The following ANXA3 variants were observed in gnomAD, a reference collection of about 807,000 sequenced individuals.
ANXA3 encodes the protein annexin A3.
In ANXA3, 46 loss-of-function variants were observed where a neutral mutation model predicts 48.8. The ratio of observed to expected loss-of-function variants is 0.94; its 90% confidence interval spans 0.74 to 1.21. The LOEUF is 1.21. Among genes scored for constraint, ANXA3 ranks in the 50% most tolerant of loss-of-function variants. ANXA3 has a pLI of 0.00. For synonymous variants in ANXA3, 128 were observed against 134.7 expected (o/e 0.95, Z 0.35); for missense variants, 383 against 378.6 (o/e 1.01, Z -0.10).
intron 2 of ANXA3, among the ~76,000 whole-genome samples, chr4:78,556,424 C>T (rs779543441): frequency 6.6e-6 from 1 of 151,138 alleles, no homozygotes. Flanking sequence ...AAGACTATTA[C>T]ATCAAAACTT....
At chr4:78,589,417 A>G (rs28404993) in intron 6 of ANXA3, among the ~76,000 whole-genome samples, 6,681 of 152,216 alleles carry the variant, frequency 0.044, 511 homozygotes, top group African/African-American at 0.15. Flanking sequence ...GCATAGCCAA[A>G]CTTTACAGAG....
chr4:78,594,869 C>T (rs1354614921), intron 7 of ANXA3, among the ~76,000 whole-genome samples: 2 of 152,122 alleles, frequency 1.3e-5, no homozygotes, highest in Non-Finnish European at 2.9e-5. Flanking sequence ...CACAGTGGCC[C>T]ACACTTGTAT....
chr4:78,601,729 C>CTTT, intron 11 of ANXA3, 161 bp downstream of exon 11: 2 of 542,690 alleles, frequency 3.7e-6, no homozygotes, highest in Non-Finnish European at 6.4e-6. Flanking sequence ...ACAATACACT[C>CTTT]TTTACACAGA....
chr4:78,558,204 A>G (rs1388434122), intron 2 of ANXA3, among the ~76,000 whole-genome samples: 3 of 152,258 alleles, frequency 2.0e-5, no homozygotes, highest in Admixed American at 2.0e-4. Flanking sequence ...TCATAGGAAC[A>G]GAAGGAGACT....
intron 4 of ANXA3, among the ~76,000 whole-genome samples, chr4:78,581,287 G>A (rs11098257): frequency 0.59 from 90,070 of 151,972 alleles, 28,433 homozygotes; most frequent in East Asian, 0.87. Context: ...ACATTATTCA[G>A]TATTATGCCA....
In ANXA3 at chr4:78,597,344, C is replaced by T. The variant is rs935173037; in HGVS notation, c.660C>T (p.Ser220=). 3.7e-6 allele frequency: 6 copies of T among 1,609,808 alleles called. No individual in the cohort carries two copies. Among genetic ancestry groups the T allele is most frequent in the Non-Finnish European group, 5.1e-6 (6 of 1,178,122 alleles). ...CATTTGATGAATACAGAAATATCAGCCAAAAGGACATTGTGGACAGCATAA... is the reference window on the plus strand; with the variant it reads ...CATTTGATGAATACAGAAATATCAGTCAAAAGGACATTGTGGACAGCATAA... The part of the protein sequence containing the change: ...KLTFDEYRNI[S]QKDIVDSIKG... The change falls in exon 10 of 13, where the codon AGC becomes AGT. Residue 220 remains serine, a synonymous_variant. Transcript: ENST00000264908.
chr4:78,566,012 A>G (rs1722721932), intron 2 of ANXA3, among the ~76,000 whole-genome samples: 1 of 152,208 alleles, frequency 6.6e-6, no homozygotes. Flanking sequence ...TTAGAGGGAA[A>G]GAAAAGAGAG....
intron 12 of ANXA3, among the ~76,000 whole-genome samples, chr4:78,607,562 T>G (rs1723676758): frequency 6.6e-6 from 1 of 152,204 alleles, no homozygotes; most frequent in Non-Finnish European, 1.5e-5. Flanking sequence ...TTTTCCTTCA[T>G]AGACAAATTC....
intron 2 of ANXA3, among the ~76,000 whole-genome samples, chr4:78,557,576 A>G (rs1722542268): frequency 6.6e-6 from 1 of 152,124 alleles, no homozygotes; most frequent in Non-Finnish European, 1.5e-5. Flanking sequence ...AGATAGCAGG[A>G]AAGAGGTGGG....
chr4:78,569,053 C>T (rs1272546503), intron 2 of ANXA3, among the ~76,000 whole-genome samples: 1 of 152,202 alleles, frequency 6.6e-6, no homozygotes, highest in Admixed American at 6.5e-5. Flanking sequence ...GCGCTTAGCA[C>T]AGTACTTGGC....
intron 2 of ANXA3, among the ~76,000 whole-genome samples, chr4:78,560,382 T>G (rs1722603275): frequency 1.3e-5 from 2 of 152,190 alleles, no homozygotes; most frequent in African/African-American, 4.8e-5. Flanking sequence ...CCTAGAATGA[T>G]TCACAGAACT....
chr4:78,587,081 C>T (rs1723194544), intron 6 of ANXA3, among the ~76,000 whole-genome samples: 1 of 152,172 alleles, frequency 6.6e-6, no homozygotes, highest in Admixed American at 6.5e-5. Context: ...CAAATCAGGG[C>T]CAATCAAATG....
chr4:78,556,655 C>G (rs558267368), intron 2 of ANXA3, among the ~76,000 whole-genome samples: 1 of 152,278 alleles, frequency 6.6e-6, no homozygotes, highest in South Asian at 2.1e-4. Flanking sequence ...AAGTTACTCC[C>G]TTCTCACTGG....
At chr4:78,591,438 T>G in intron 6 of ANXA3, 106 bp from the exon 7 acceptor site, 1 of 730,538 alleles carries the variant, frequency 1.4e-6, no homozygotes, top group Non-Finnish European at 2.4e-6. Flanking sequence ...AGATTTATCT[T>G]ATCACATACC....
At chr4:78,569,888 A>T (rs1332206849) in intron 2 of ANXA3, among the ~76,000 whole-genome samples, 2 of 152,310 alleles carry the variant, frequency 1.3e-5, no homozygotes, top group East Asian at 3.9e-4. Context: ...TCTCTGTGAG[A>T]CTGGGTTTCT....
chr4:78,598,696 C>T (rs936872874), intron 10 of ANXA3, among the ~76,000 whole-genome samples: 6 of 152,070 alleles, frequency 3.9e-5, no homozygotes, highest in Non-Finnish European at 5.9e-5. Context: ...CACGCCACCA[C>T]GCCTGGCTAA....
At chr4:78,560,753 T>A (rs1043999094) in intron 2 of ANXA3, among the ~76,000 whole-genome samples, 1 of 152,058 alleles carries the variant, frequency 6.6e-6, no homozygotes, top group African/African-American at 2.4e-5. Flanking sequence ...TATCTAAGGG[T>A]CTACCATGAG....
chr4:78,564,855 C>T (rs1010229016), intron 2 of ANXA3, among the ~76,000 whole-genome samples: 1 of 152,128 alleles, frequency 6.6e-6, no homozygotes, highest in African/African-American at 2.4e-5. Flanking sequence ...GGAACTCTAC[C>T]TCTCATCTGG....
intron 7 of ANXA3, among the ~76,000 whole-genome samples, chr4:78,592,519 GTA>G (rs1375184544): frequency 6.6e-6 from 1 of 152,144 alleles, no homozygotes; most frequent in Non-Finnish European, 1.5e-5. Context: ...GCTCTCAGAG[GTA>G]TATATTCCTA....
Sources: gnomAD v4.1 joint callset for allele counts (sites outside exome capture counted in the v4.1 genomes callset) on GRCh38, gnomAD v4.1.1 for gene constraint, MANE v1.5 for transcripts, NCBI Gene and HGNC (gene_info 2026-07-23, HGNC 2026-07-21) for gene names.